The following CSTF3 variants were observed in gnomAD, a reference collection of about 807,000 sequenced individuals.
CSTF3 encodes the protein CF-1 77 kDa subunit.
CSTF3 carries 29 observed loss-of-function variants against 105.8 expected under a neutral mutation model. That is an observed-to-expected ratio of 0.27 (90% CI 0.20 to 0.37). The LOEUF (loss-of-function observed/expected upper bound fraction) is 0.37. Ranked by LOEUF, CSTF3 falls within the 10% of genes least tolerant of loss-of-function variation. The pLI is 1.00. For missense variants in CSTF3, 357 were observed against 879.3 expected, an observed-to-expected ratio of 0.41 and a Z score of 7.51; for synonymous variants, 252 against 281.9, an observed-to-expected ratio of 0.89 and a Z score of 1.06.
intron 3 of CSTF3, among the ~76,000 whole-genome samples, chr11:33,135,746 A>C (rs752884295): frequency 5.3e-5 from 8 of 152,100 alleles, no homozygotes; most frequent in Non-Finnish European, 8.8e-5. Flanking sequence ...ATCATCACAA[A>C]ATAGCCAACC....
At position 33,085,151 on chromosome 11, in the gene CSTF3, T is replaced by A. The variant is rs1303114033; in HGVS notation, c.2090A>T (p.Lys697Met). 4 of 1,614,146 alleles carry A rather than the reference T, an allele frequency of 2.5e-6. No individual in the cohort carries two copies. Among genetic ancestry groups the A allele is most frequent in the Admixed American group, 1.7e-5 (1 of 59,998 alleles). The change falls in exon 21 of 21, where the codon AAG becomes ATG. Residue 697 changes from lysine to methionine, a missense_variant. Lys to Met is a moderately conservative substitution (Grantham distance 95, BLOSUM62 -1). Transcript: ENST00000323959. ...PNEDSDEDEE[K>M]GAVVPPVHDI... ...ATGAACAGGGGGGACAACGGCTCCC[T>A]TTTCTTCATCTTCATCTGAATCCTC...
chr11:33,144,488 T>G (rs1855754393), intron 1 of CSTF3, among the ~76,000 whole-genome samples: 1 of 152,074 alleles, frequency 6.6e-6, no homozygotes, highest in African/African-American at 2.4e-5. Flanking sequence ...ATAATAAAGG[T>G]GGCATGTTCA....
chr11:33,130,232 G>A (rs554969668), intron 3 of CSTF3, among the ~76,000 whole-genome samples: 36 of 152,020 alleles, frequency 2.4e-4, no homozygotes, highest in Non-Finnish European at 4.4e-4. Flanking sequence ...CAGCATTTTC[G>A]GAGGCCTAGG....
At chr11:33,113,515 TAAAC>T (rs914916652) in intron 3 of CSTF3, among the ~76,000 whole-genome samples, 11 of 152,036 alleles carry the variant, frequency 7.2e-5, no homozygotes, top group Admixed American at 2.0e-4. Context: ...AGACCCTGTC[TAAAC>T]AAACAAACAA....
At chr11:33,123,601 AACTT>A (rs1855514371) in intron 3 of CSTF3, among the ~76,000 whole-genome samples, 1 of 152,148 alleles carries the variant, frequency 6.6e-6, no homozygotes, top group Non-Finnish European at 1.5e-5. Flanking sequence ...ACAGGGAAAA[AACTT>A]ACATGTCCTT....
intron 17 of CSTF3, among the ~76,000 whole-genome samples, chr11:33,090,229 C>G (rs974573276): frequency 6.6e-6 from 1 of 152,112 alleles, no homozygotes; most frequent in African/African-American, 2.4e-5. Flanking sequence ...TTCAGATTTT[C>G]TTTTGTTTTT....
chr11:33,150,034 AAACAACAAC>A (rs113266998), intron 1 of CSTF3, among the ~76,000 whole-genome samples: 18 of 148,404 alleles, frequency 1.2e-4, no homozygotes, highest in East Asian at 6.0e-4. Context: ...CAAAACAAAC[AAACAACAAC>A]AACAACAACA....
chr11:33,142,162 T>C (rs1027055919), intron 1 of CSTF3, among the ~76,000 whole-genome samples, 176 bp from the exon 2 acceptor site: 5 of 152,056 alleles, frequency 3.3e-5, no homozygotes, highest in African/African-American at 1.2e-4. Context: ...TCCTTCCTTA[T>C]CTGTGGGCTC....
intron 3 of CSTF3, among the ~76,000 whole-genome samples, chr11:33,122,049 C>T (rs909200947): frequency 1.3e-5 from 2 of 152,174 alleles, no homozygotes; most frequent in Non-Finnish European, 2.9e-5. Context: ...TTTCTGTTCT[C>T]CCCATATCCC....
In CSTF3 at chr11:33,099,133, T is replaced by C; in HGVS notation, c.954A>G (p.Lys318=). 1 of 1,579,370 alleles carries C rather than the reference T, an allele frequency of 6.3e-7. No homozygotes were observed. The highest frequency in any genetic ancestry group is 8.5e-7 in the Non-Finnish European group (1 of 1,172,846). Residue 318 remains lysine (K), a synonymous_variant, in exon 12 of 21, where the codon AAA becomes AAG. Coordinates refer to ENST00000323959, the MANE Select transcript of CSTF3 (RefSeq NM_001326.3). The surrounding 1 kb of genome is among the most constrained non-coding windows in gnomAD (Gnocchi z 4.1). ...TATTAGCAGCTTCATCACTAAATAA[T>C]TTGGCATTATTCATATCCTGGTAGA... ...LAEKGDMNNA[K]LFSDEAANIY...
At chr11:33,097,967 T>G (rs1307139227) in intron 13 of CSTF3, among the ~76,000 whole-genome samples, 1 of 152,172 alleles carries the variant, frequency 6.6e-6, no homozygotes, top group Non-Finnish European at 1.5e-5. Context: ...GTCATTAATG[T>G]TGCTGGAGTC....
At position 33,099,898 on chromosome 11, in the gene CSTF3, T is replaced by A. The variant is rs111941014; in HGVS notation, c.827-181A>T. On this transcript the variant is annotated intron_variant, in intron 10 of 20. Transcript: ENST00000323959. This position sits in a 1 kb window ranked among gnomAD's most constrained non-coding sequence, Gnocchi z 4.1. ...TTCCCTCCATCTATCCATCACTTATTAATTTTTTTTATTTTTGGAAGCAGG... is the reference window on the plus strand; with the variant it reads ...TTCCCTCCATCTATCCATCACTTATAAATTTTTTTTATTTTTGGAAGCAGG... Among the ~76,000 whole-genome samples, 1 of 152,170 alleles carries A rather than the reference T, an allele frequency of 6.6e-6. No individual in the cohort carries two copies. Among genetic ancestry groups the A allele is most frequent in the African/African-American group, 2.4e-5 (1 of 41,442 alleles).
At chr11:33,114,988 C>T (rs1855416928) in intron 3 of CSTF3, among the ~76,000 whole-genome samples, 1 of 152,090 alleles carries the variant, frequency 6.6e-6, no homozygotes, top group African/African-American at 2.4e-5. Flanking sequence ...GACAAGTCAA[C>T]ACTTAGGTTT....
intron 1 of CSTF3, among the ~76,000 whole-genome samples, chr11:33,159,643 C>A (rs1340367836): frequency 6.9e-6 from 1 of 144,280 alleles, no homozygotes; most frequent in East Asian, 2.0e-4. Flanking sequence ...CATGGTGGCG[C>A]GCGCCTGTAC....
chr11:33,151,836 C>T (rs1255162205), intron 1 of CSTF3, among the ~76,000 whole-genome samples: 3 of 152,184 alleles, frequency 2.0e-5, no homozygotes, highest in Non-Finnish European at 4.4e-5. Context: ...GTTCTAATTT[C>T]TCCATATCCT....
intron 1 of CSTF3, among the ~76,000 whole-genome samples, chr11:33,160,679 A>G (rs1264648482): frequency 6.6e-6 from 1 of 152,236 alleles, no homozygotes; most frequent in Non-Finnish European, 1.5e-5. Flanking sequence ...AGATGCTTTT[A>G]TTTACAGTGG....
intron 3 of CSTF3, among the ~76,000 whole-genome samples, chr11:33,136,672 C>T (rs1393268005): frequency 6.6e-6 from 1 of 151,948 alleles, no homozygotes; most frequent in Non-Finnish European, 1.5e-5. Context: ...TGTAAAAAGT[C>T]TCATGTGTTA....
chr11:33,145,672 G>T (rs1046401445), intron 1 of CSTF3, among the ~76,000 whole-genome samples: 1 of 151,994 alleles, frequency 6.6e-6, no homozygotes, highest in African/African-American at 2.4e-5. Context: ...AAATTAGCTG[G>T]GCGTGGTGGT....
At chr11:33,120,536 C>A (rs1226313006) in intron 3 of CSTF3, among the ~76,000 whole-genome samples, 1 of 151,764 alleles carries the variant, frequency 6.6e-6, no homozygotes, top group Non-Finnish European at 1.5e-5. Context: ...AAAATTCAAC[C>A]ACTTAATTCC....
Sources: allele counts gnomAD v4.1 joint callset (sites outside exome capture counted in the v4.1 genomes callset), GRCh38; gene constraint gnomAD v4.1.1; non-coding constraint Gnocchi (gnomAD v3.1); transcripts MANE v1.5; gene names NCBI Gene and HGNC (gene_info 2026-07-23, HGNC 2026-07-21).